Variants in TLN2 observed in about 807,000 individuals in gnomAD.
TLN2 encodes talin 2.
A neutral mutation model predicts 294.7 loss-of-function variants in TLN2; 118 were observed. The observed-to-expected ratio is 0.40, with a 90% CI of 0.34 to 0.47. The LOEUF (loss-of-function observed/expected upper bound fraction) is 0.47. Ranked by LOEUF, TLN2 falls within the 20% of genes least tolerant of loss-of-function variation. The probability of loss-of-function intolerance (pLI) is 0.84; values close to 1 mark genes in which losing one functional copy is unlikely to be tolerated. For synonymous variants in TLN2, 1,431 were observed against 1,304.5 expected (o/e 1.10, Z -2.09); for missense variants, 3,083 against 3,282.2 (o/e 0.94, Z 1.48).
At chr15:62,669,837 C>T (rs1465993479) in intron 9 of TLN2, among the ~76,000 whole-genome samples, 3 of 152,162 alleles carry the variant, frequency 2.0e-5, no homozygotes, top group Non-Finnish European at 4.4e-5. Flanking sequence ...GGCTGATTTA[C>T]TGGGGAAAAT....
At chr15:62,403,317 T>C (rs1595729682) in intron 1 of TLN2, among the ~76,000 whole-genome samples, 1 of 152,120 alleles carries the variant, frequency 6.6e-6, no homozygotes, top group African/African-American at 2.4e-5. Context: ...ATGCCCTTCA[T>C]AGTAAAAATA....
chr15:62,482,849 A>G (rs1207897337), intron 1 of TLN2, among the ~76,000 whole-genome samples: 1 of 152,080 alleles, frequency 6.6e-6, no homozygotes, highest in East Asian at 1.9e-4. Flanking sequence ...TCGTGGCCTC[A>G]TTGTGGGGTT....
intron 1 of TLN2, among the ~76,000 whole-genome samples, chr15:62,401,752 A>G (rs1001811915): frequency 1.6e-4 from 24 of 152,134 alleles, no homozygotes; most frequent in African/African-American, 4.6e-4. Context: ...GAACATCTAT[A>G]TAGGTTGTCC....
At chr15:62,406,252 C>T (rs2033396864) in intron 1 of TLN2, among the ~76,000 whole-genome samples, 1 of 152,142 alleles carries the variant, frequency 6.6e-6, no homozygotes, top group Admixed American at 6.5e-5. Context: ...GAGCCTGTTC[C>T]ATGCCTCTCT....
chr15:62,550,776 C>G (rs1300654897), intron 1 of TLN2, among the ~76,000 whole-genome samples: 1 of 152,104 alleles, frequency 6.6e-6, no homozygotes, highest in East Asian at 1.9e-4. Context: ...TTGGAGTTCC[C>G]CATCTCATGG....
rs745440127 is a variant in TLN2, at chr15:62,824,041, C to G, written c.7002+3431C>G. The G allele has an allele frequency of 7.7e-6, 4 of 521,926 alleles. No homozygotes were observed. In the Admixed American group the frequency reaches 7.9e-5, roughly 10 times the overall value. The allele number at this position is 521,926 out of a possible 1,614,324, so 32.3% of individuals were successfully genotyped here. A position where few individuals can be genotyped will look rare whatever the true frequency, so the allele number is the denominator to read the frequency against. ...CAAACATATTCCTACAGTGTCTTGC[C>G]CTGTCTCCGGGGGTTCCTAATAAAG... is the stretch of plus-strand genomic sequence containing the variant. On this transcript the variant is annotated intron_variant, in intron 54 of 58. Coordinates refer to ENST00000636159, the MANE Select transcript of TLN2 (RefSeq NM_015059.3).
At chr15:62,563,982 C>T (rs74553575) in intron 1 of TLN2, among the ~76,000 whole-genome samples, 3,149 of 152,238 alleles carry the variant, frequency 0.021, 48 homozygotes, top group Middle Eastern at 0.031. Flanking sequence ...AGCATATAGC[C>T]GAGTGCCAGG....
chr15:62,468,617 C>T (rs1036410955), intron 1 of TLN2, among the ~76,000 whole-genome samples: 4 of 151,908 alleles, frequency 2.6e-5, no homozygotes, highest in African/African-American at 4.8e-5. Flanking sequence ...TGGTGGCGGG[C>T]GCCTGTAGTC....
chr15:62,540,105 C>T (rs1255057826), intron 1 of TLN2, among the ~76,000 whole-genome samples: 3 of 151,984 alleles, frequency 2.0e-5, no homozygotes, highest in Non-Finnish European at 4.4e-5. Context: ...TTTGGGAGGC[C>T]GAGGTGGGTG....
At chr15:62,391,159 A>G (rs745499198) in intron 1 of TLN2, among the ~76,000 whole-genome samples, 6 of 152,216 alleles carry the variant, frequency 3.9e-5, no homozygotes, top group Non-Finnish European at 5.9e-5. Flanking sequence ...TCATTCCAGC[A>G]CTGGCCGCCG....
chr15:62,570,903 C>CTGTGTGTGTGTG (rs58523803), intron 1 of TLN2, among the ~76,000 whole-genome samples: 67 of 143,918 alleles, frequency 4.7e-4, no homozygotes, highest in African/African-American at 1.4e-3. Context: ...GCACAGGCAT[C>CTGTGTGTGTGTG]TGTGTGTGTG....
At chr15:62,816,507 A>C (rs1440009493) in intron 52 of TLN2, among the ~76,000 whole-genome samples, 1 of 152,200 alleles carries the variant, frequency 6.6e-6, no homozygotes, top group East Asian at 1.9e-4. Flanking sequence ...CGTTATCTAA[A>C]GCTCGGGTTC....
chr15:62,739,208 G>A (rs991880585), intron 30 of TLN2, 140 bp from the exon 31 acceptor site: 3 of 895,066 alleles, frequency 3.4e-6, no homozygotes, highest in Non-Finnish European at 5.0e-6. Flanking sequence ...AATAAAATGG[G>A]CTCAGATGAC....
chr15:62,406,299 T>A lies in TLN2; in HGVS notation c.-238+15614T>A, dbSNP rs1173461227. Among the ~76,000 whole-genome samples, 3 of 152,226 alleles carry A rather than the reference T, an allele frequency of 2.0e-5. No individual in the cohort carries two copies. In the East Asian group the frequency reaches 5.8e-4, roughly 29 times the overall value. ...AGAAGGGCATCTTCTCCCCGTCTCT[T>A]CATTGTTGTCCCTCTGATGCAGGGC... On this transcript the variant is annotated intron_variant, in intron 1 of 58. Transcript: ENST00000636159.
intron 1 of TLN2, among the ~76,000 whole-genome samples, chr15:62,558,749 T>A (rs1407884303): frequency 6.7e-6 from 1 of 149,404 alleles, no homozygotes; most frequent in East Asian, 1.9e-4. Context: ...GGCAGCAGGT[T>A]GGGGGAAGAT....
intron 1 of TLN2, among the ~76,000 whole-genome samples, chr15:62,447,988 T>C (rs1261789302): frequency 6.6e-6 from 1 of 152,206 alleles, no homozygotes; most frequent in Non-Finnish European, 1.5e-5. Context: ...GGGCCAGGAC[T>C]GAGCTTCCAA....
At chr15:62,776,724 C>A in intron 42 of TLN2, 40 bp from the exon 43 acceptor site, 1 of 1,428,420 alleles carries the variant, frequency 7.0e-7, no homozygotes, top group South Asian at 1.6e-5. Context: ...GAGCACCGCT[C>A]TCTTCTGCTT....
At chr15:62,413,079 C>T (rs1411558272) in intron 1 of TLN2, among the ~76,000 whole-genome samples, 2 of 152,106 alleles carry the variant, frequency 1.3e-5, no homozygotes, top group African/African-American at 4.8e-5. Context: ...GCCAATGTCT[C>T]CTCCAGGGAG....
chr15:62,564,919 A>ATATATATGTATATAT (rs1252446922), intron 1 of TLN2, among the ~76,000 whole-genome samples: 1 of 112,236 alleles, frequency 8.9e-6, no homozygotes, highest in Non-Finnish European at 1.9e-5. Flanking sequence ...AAAAAAAAAA[A>ATATATATGTATATAT]AAAAAAATAT....
Sources: allele counts gnomAD v4.1 joint callset (sites outside exome capture counted in the v4.1 genomes callset), GRCh38; gene constraint gnomAD v4.1.1; transcripts MANE v1.5; gene names NCBI Gene and HGNC (gene_info 2026-07-23, HGNC 2026-07-21).